The following PARP15 variants were observed in gnomAD, a reference collection of about 807,000 sequenced individuals.
PARP15 encodes poly(ADP-ribose) polymerase family member 15.
PARP15 carries 50 observed loss-of-function variants against 62.1 expected under a neutral mutation model. The observed-to-expected ratio is 0.81, with a 90% CI of 0.64 to 1.02. The LOEUF (loss-of-function observed/expected upper bound fraction) is 1.02, where lower values mean the gene tolerates loss of function less well. PARP15 is among the 50% of genes least tolerant of loss of function. The pLI is 0.00. For synonymous variants in PARP15, 309 were observed against 293.1 expected, an observed-to-expected ratio of 1.05 and a Z score of -0.55; for missense variants, 820 against 826.5, an observed-to-expected ratio of 0.99 and a Z score of 0.10.
At chr3:122,591,552 G>A (rs35904157) in intron 1 of PARP15, among the ~76,000 whole-genome samples, 13,815 of 152,166 alleles carry the variant, frequency 0.091, 624 homozygotes, top group Non-Finnish European at 0.1. Flanking sequence ...CACGAGGTGA[G>A]GAAATCAAGA....
intron 2 of PARP15, 55 bp from the exon 3 acceptor site, chr3:122,610,433 ACAGTTG>A: frequency 7.2e-7 from 1 of 1,395,618 alleles, no homozygotes; most frequent in Non-Finnish European, 9.8e-7. Context: ...TAGTAAATTT[ACAGTTG>A]CTCCATCATT....
At chr3:122,588,117 T>C (rs533388976) in intron 1 of PARP15, among the ~76,000 whole-genome samples, 2 of 152,272 alleles carry the variant, frequency 1.3e-5, no homozygotes, top group African/African-American at 4.8e-5. Flanking sequence ...ATTATCTTTT[T>C]AAAAATATCT....
intron 1 of PARP15, among the ~76,000 whole-genome samples, chr3:122,579,216 G>A (rs943476445): frequency 6.6e-6 from 1 of 152,018 alleles, no homozygotes; most frequent in African/African-American, 2.4e-5. Flanking sequence ...TTTAAAGAAG[G>A]TTTATAGTTA....
At chr3:122,602,056 C>T (rs1183278287) in intron 1 of PARP15, among the ~76,000 whole-genome samples, 1 of 152,158 alleles carries the variant, frequency 6.6e-6, no homozygotes, top group African/African-American at 2.4e-5. Context: ...TTCTCTTTCT[C>T]TCAAACTTGT....
intron 11 of PARP15, among the ~76,000 whole-genome samples, 166 bp downstream of exon 11, chr3:122,635,360 G>A (rs577971871): frequency 2.0e-5 from 3 of 152,162 alleles, no homozygotes; most frequent in Admixed American, 2.0e-4. Flanking sequence ...AAGGGAAGAT[G>A]GAGTGAATTT....
At chr3:122,613,900 C>T (rs1027622311) in intron 4 of PARP15, among the ~76,000 whole-genome samples, 23 of 147,024 alleles carry the variant, frequency 1.6e-4, no homozygotes, top group African/African-American at 5.6e-4. Flanking sequence ...CGGCTCACTG[C>T]AGCGGCGTGA....
intron 1 of PARP15, chr3:122,594,638 C>T (rs947324894): frequency 2.2e-6 from 2 of 917,674 alleles, no homozygotes; most frequent in Middle Eastern, 5.6e-4. Flanking sequence ...AAATTAGCAT[C>T]TAATTTTAAT....
chr3:122,619,032 A>G (rs1211478916), intron 6 of PARP15, among the ~76,000 whole-genome samples: 1 of 152,280 alleles, frequency 6.6e-6, no homozygotes, highest in African/African-American at 2.4e-5. Flanking sequence ...AATCAAGGAT[A>G]TAGAGATATA....
intron 1 of PARP15, among the ~76,000 whole-genome samples, chr3:122,580,633 C>T (rs1337564633): frequency 2.0e-5 from 3 of 152,138 alleles, no homozygotes. Context: ...ACTGACATTT[C>T]ACTTAGCATA....
intron 6 of PARP15, 99 bp from the exon 7 acceptor site, chr3:122,619,682 G>C: frequency 9.6e-7 from 1 of 1,037,786 alleles, no homozygotes; most frequent in South Asian, 1.3e-5. Flanking sequence ...AATGGATTAT[G>C]CACAAAAGGG....
intron 1 of PARP15, among the ~76,000 whole-genome samples, chr3:122,585,043 C>T (rs1254786227): frequency 6.6e-6 from 1 of 152,126 alleles, no homozygotes; most frequent in Non-Finnish European, 1.5e-5. Context: ...ATTTGCTTGA[C>T]TTTTATGTAA....
chr3:122,599,680 C>A (rs1212311686), intron 1 of PARP15, among the ~76,000 whole-genome samples: 1 of 152,154 alleles, frequency 6.6e-6, no homozygotes, highest in Non-Finnish European at 1.5e-5. Context: ...CTCTAGTAAT[C>A]TTTCCACTTC....
chr3:122,605,828 C>A, intron 1 of PARP15, 108 bp from the exon 2 acceptor site: 1 of 1,132,880 alleles, frequency 8.8e-7, no homozygotes, highest in Non-Finnish European at 1.2e-6. Context: ...GTGATTCTCC[C>A]ACCTAGTCTT....
intron 1 of PARP15, among the ~76,000 whole-genome samples, chr3:122,600,838 G>A (rs895094381): frequency 6.7e-6 from 1 of 149,398 alleles, no homozygotes; most frequent in African/African-American, 2.5e-5. Context: ...GTAGTTTTAG[G>A]TACACAGAAA....
Position 122,577,714 on chromosome 3 carries a change from C to G in PARP15, c.47C>G (p.Ala16Gly). The change falls in exon 1 of 12, where the codon GCT becomes GGT. Residue 16 changes from alanine to glycine, a missense_variant. This residue lies in a region of PARP15 where 731 missense variants were observed against 727.7 expected (regional missense o/e 1.00). Transcript: ENST00000464300. ...CCTGCCGCTGCTCTGAGTCCAGGGGCTCCGACCCCCAGAGAACTTATGCAC... is the reference window on the plus strand; with the variant it reads ...CCTGCCGCTGCTCTGAGTCCAGGGGGTCCGACCCCCAGAGAACTTATGCAC... Reference protein sequence around the residue: ...PLPAAALSPGAPTPRELMHGV... With the variant: ...PLPAAALSPGGPTPRELMHGV... 1.3e-6 allele frequency: 2 copies of G among 1,551,720 alleles called. No individual in the cohort carries two copies. The highest frequency in any genetic ancestry group is 1.7e-6 in the Non-Finnish European group (2 of 1,146,994).
In PARP15 at chr3:122,619,767, CAT is replaced by C. The variant is rs753894729; in HGVS notation, c.1001-13_1001-12del. 1 of 1,600,722 alleles carries C rather than the reference CAT, an allele frequency of 6.2e-7. No individual in the cohort carries two copies. The highest frequency in any genetic ancestry group is 8.6e-7 in the Non-Finnish European group (1 of 1,168,012). On this transcript the variant is annotated splice_polypyrimidine_tract_variant and intron_variant, in intron 6 of 11. Coordinates refer to ENST00000464300, the MANE Select transcript of PARP15 (RefSeq NM_001113523.3). Reference sequence around the variant, plus strand: ...TCTAACTGATGCCTTTTACCATTAACATGTCTTATTTAGGTGTGTCAAGAGCT... The same window carrying C: ...TCTAACTGATGCCTTTTACCATTAACGTCTTATTTAGGTGTGTCAAGAGCT...
chr3:122,613,299 T>C, intron 4 of PARP15, 31 bp downstream of exon 4: 5 of 1,493,056 alleles, frequency 3.3e-6, no homozygotes, highest in Non-Finnish European at 4.6e-6. Flanking sequence ...TGGTTAATTC[T>C]GGCAAGTGAA....
At chr3:122,620,124 G>A (rs986333273) in intron 7 of PARP15, among the ~76,000 whole-genome samples, 1 of 152,138 alleles carries the variant, frequency 6.6e-6, no homozygotes, top group Non-Finnish European at 1.5e-5. Flanking sequence ...AGCGATCCTA[G>A]GCACGTCATC....
At position 122,632,113 on chromosome 3, in the gene PARP15, T is replaced by G; in HGVS notation, c.1466T>G (p.Met489Arg). 1 of 1,614,062 alleles carries G rather than the reference T, an allele frequency of 6.2e-7. No homozygotes were observed. Among genetic ancestry groups the G allele is most frequent in the Non-Finnish European group, 8.5e-7 (1 of 1,179,972 alleles). ...TCNLPEHWTDMNHQLFCMVQL... is the reference protein window; with the variant it reads ...TCNLPEHWTDRNHQLFCMVQL... ...AATCTTCCTGAACACTGGACTGACA[T>G]GAATCATCAGCTGTTTTGCATGGTC... Residue 489 changes from methionine to arginine, a missense_variant, in exon 10 of 12, where the codon ATG (methionine) becomes AGG (arginine). Physicochemically the swap from Met to Arg is moderately conservative, Grantham distance 91. Coordinates refer to ENST00000464300, the MANE Select transcript of PARP15 (RefSeq NM_001113523.3).
Sources: allele counts gnomAD v4.1 joint callset (sites outside exome capture counted in the v4.1 genomes callset), GRCh38; gene constraint gnomAD v4.1.1; regional missense constraint gnomAD v4.1.1; transcripts MANE v1.5; gene names NCBI Gene and HGNC (gene_info 2026-07-23, HGNC 2026-07-21).